POLR3E: variants seen among roughly 807,000 people sequenced by gnomAD.
The protein encoded by POLR3E is DNA-directed RNA polymerase III subunit RPC5.
A neutral mutation model predicts 96.6 loss-of-function variants in POLR3E; 41 were observed. That is an observed-to-expected ratio of 0.42 (90% CI 0.33 to 0.55). The LOEUF is 0.55. POLR3E is among the 20% of genes least tolerant of loss of function. POLR3E has a pLI of 0.06. For missense variants in POLR3E, 849 were observed against 952.1 expected (o/e 0.89, Z 1.43); for synonymous variants, 396 against 383.6 (o/e 1.03, Z -0.38).
chr16:22,318,385 C>T lies in POLR3E; in HGVS notation c.866-441C>T, dbSNP rs559441477. ...CTGTGATTACAGGTGTGAGCCAAAG[C>T]GCCCAGCCAAATTTTGGACTTTCCC... is the stretch of plus-strand genomic sequence containing the variant. On this transcript the variant is annotated intron_variant, in intron 12 of 20. Coordinates refer to ENST00000299853, the MANE Select transcript of POLR3E (RefSeq NM_018119.4). The surrounding 1 kb of genome is among the most constrained non-coding windows in gnomAD (Gnocchi z 5.0). 3.3e-5 allele frequency among the ~76,000 whole-genome samples: 5 copies of T among 152,300 alleles called. No individual in the cohort carries two copies. Among genetic ancestry groups the T allele is most frequent in the Non-Finnish European group, 5.9e-5 (4 of 68,022 alleles).
At position 22,318,052 on chromosome 16, in the gene POLR3E, C is replaced by T. The variant is rs1419268073; in HGVS notation, c.866-774C>T. On this transcript the variant is annotated intron_variant, in intron 12 of 20. Transcript: ENST00000299853. This position sits in a 1 kb window ranked among gnomAD's most constrained non-coding sequence, Gnocchi z 5.0. ...GGAGTCTAAGGAGAGAGGGGAGCTC[C>T]ATGATATGCTCGGGATTTTAGGCTT... 6.6e-6 allele frequency among the ~76,000 whole-genome samples: 1 copy of T among 151,792 alleles called. No homozygotes were observed. Among genetic ancestry groups the T allele is most frequent in the Non-Finnish European group, 1.5e-5 (1 of 67,988 alleles).
At chr16:22,316,782 G>A (rs1401849814) in intron 10 of POLR3E, 96 bp downstream of exon 10, 2 of 1,076,262 alleles carry the variant, frequency 1.9e-6, no homozygotes, top group Non-Finnish European at 1.4e-6. Flanking sequence ...GGCCCCTCCT[G>A]TAGCATGAGG....
chr16:22,313,850 T>G lies in POLR3E; in HGVS notation c.472+123T>G. The G allele has an allele frequency of 1.4e-6, 1 of 725,140 alleles. No homozygotes were observed. Among genetic ancestry groups the G allele is most frequent in the Non-Finnish European group, 2.4e-6 (1 of 424,692 alleles). The allele number at this position is 725,140 out of a possible 1,614,324, so 44.9% of individuals were successfully genotyped here. Reference sequence around the variant, plus strand: ...GGATCCCTGGCCTCTACCTACTAGATGCCAGAAGCACCCACCCCACAGTCG... The same window carrying G: ...GGATCCCTGGCCTCTACCTACTAGAGGCCAGAAGCACCCACCCCACAGTCG... On this transcript the variant is annotated intron_variant, in intron 7 of 20. Coordinates refer to ENST00000299853, the MANE Select transcript of POLR3E (RefSeq NM_018119.4). This position sits in a 1 kb window ranked among gnomAD's most constrained non-coding sequence, Gnocchi z 4.1.
At chr16:22,305,490 C>T (rs746575159) in intron 3 of POLR3E, 28 of 642,192 alleles carry the variant, frequency 4.4e-5, no homozygotes, top group South Asian at 2.1e-4. Context: ...GCTGCGAGAC[C>T]GTGGGCAAGT....
chr16:22,306,188 A>T (rs964030442), intron 3 of POLR3E, among the ~76,000 whole-genome samples: 1 of 152,022 alleles, frequency 6.6e-6, no homozygotes, highest in African/African-American at 2.4e-5. Context: ...GGCTGCTCTC[A>T]CTTTGCATGA....
At chr16:22,326,839 C>T (rs1394928334) in intron 18 of POLR3E, 1 of 166,502 alleles carries the variant, frequency 6.0e-6, no homozygotes, top group Non-Finnish European at 1.3e-5. Context: ...CAGCTTGGGC[C>T]TGGGTCCTGG....
At chr16:22,315,762 C>T (rs748805690) in intron 9 of POLR3E, among the ~76,000 whole-genome samples, 18 of 152,188 alleles carry the variant, frequency 1.2e-4, no homozygotes, top group Non-Finnish European at 2.5e-4. Context: ...ACCTCCGCCT[C>T]CCGGGTTCAA....
At chr16:22,309,085 C>A in intron 5 of POLR3E, 45 bp downstream of exon 5, 3 of 1,351,910 alleles carry the variant, frequency 2.2e-6, no homozygotes, top group African/African-American at 1.4e-5. Flanking sequence ...TGCGTTCACA[C>A]AGGAGCCTCC....
At chr16:22,329,348 G>C (rs1285823539) in intron 19 of POLR3E, among the ~76,000 whole-genome samples, 1 of 152,190 alleles carries the variant, frequency 6.6e-6, no homozygotes, top group Non-Finnish European at 1.5e-5. Context: ...GGTCACAGGT[G>C]TCCAGTGCCC....
At chr16:22,302,749 A>T in intron 1 of POLR3E, 182 bp from the exon 2 acceptor site, 2 of 592,758 alleles carry the variant, frequency 3.4e-6, no homozygotes. Flanking sequence ...TTTTTTCTTT[A>T]TTTCTTCTGG....
In POLR3E at chr16:22,317,156, A is replaced by C. The variant is rs1426803084; in HGVS notation, c.815A>C (p.Gln272Pro). The change falls in exon 12 of 21, where the codon CAG becomes CCG. Residue 272 changes from glutamine (Q) to proline (P), a missense_variant. By Grantham distance (76) the Gln-to-Pro change is moderately conservative. Transcript: ENST00000299853. ...CCCAGCAACGTCCTGTCGATGGCCCAGCTGCGCACGCTGCCCCTGGCCGAT... is the reference window on the plus strand; with the variant it reads ...CCCAGCAACGTCCTGTCGATGGCCCCGCTGCGCACGCTGCCCCTGGCCGAT... ...VAPSNVLSMAQLRTLPLADQI... is the reference protein window; with the variant it reads ...VAPSNVLSMAPLRTLPLADQI... 1 of 1,614,064 alleles carries C rather than the reference A, an allele frequency of 6.2e-7. No individual in the cohort carries two copies. Among genetic ancestry groups the C allele is most frequent in the East Asian group, 2.2e-5 (1 of 44,880 alleles).
intron 2 of POLR3E, 51 bp downstream of exon 2, chr16:22,303,055 G>C (rs372092330): frequency 1.7e-5 from 26 of 1,550,552 alleles, no homozygotes; most frequent in Non-Finnish European, 2.3e-5. Flanking sequence ...CAGTGGAATT[G>C]GGTCCTTTCC....
intron 2 of POLR3E, among the ~76,000 whole-genome samples, chr16:22,303,834 C>T (rs1178575608): frequency 2.6e-5 from 3 of 115,958 alleles, no homozygotes; most frequent in Admixed American, 9.5e-5. Context: ...TTTTTTGAGG[C>T]GGAGTCTCAC....
At chr16:22,329,004 T>TG (rs1471028986) in intron 19 of POLR3E, 1 of 205,478 alleles carries the variant, frequency 4.9e-6, no homozygotes, top group African/African-American at 2.3e-5. Flanking sequence ...CAGAATTGCT[T>TG]GAACCTGGGA....
intron 18 of POLR3E, chr16:22,328,006 C>G (rs1054126441): frequency 6.4e-6 from 1 of 156,972 alleles, no homozygotes; most frequent in African/African-American, 2.4e-5. Flanking sequence ...ACCAAGTGGC[C>G]TGGATTGCTT....
intron 1 of POLR3E, 131 bp downstream of exon 1, chr16:22,297,668 C>G (rs1271226910): frequency 1.3e-5 from 2 of 152,568 alleles, no homozygotes; most frequent in Non-Finnish European, 2.9e-5. Context: ...GGAGGCCTCT[C>G]GGGACTCGGG....
Position 22,334,496 on chromosome 16 carries a change from C to T in POLR3E, c.*796C>T, listed in dbSNP as rs1191403493. On this transcript the variant is annotated 3_prime_UTR_variant, in exon 21 of 21. Transcript: ENST00000299853. ...AGGAAGGCGATCTTGTTGGGCTCAG[C>T]GTTACGTGTATCTAGAGGGAACGGA... 1 of 152,124 alleles carries T rather than the reference C, an allele frequency of 6.6e-6. No individual in the cohort carries two copies. Among genetic ancestry groups the T allele is most frequent in the Non-Finnish European group, 1.5e-5 (1 of 68,046 alleles). The allele number at this position is 152,124 out of a possible 1,614,324, so 9.4% of individuals were successfully genotyped here. A position where few individuals can be genotyped will look rare whatever the true frequency, so the allele number is the denominator to read the frequency against.
Position 22,315,093 on chromosome 16 carries a change from G to A in POLR3E, c.527G>A (p.Arg176Gln). 1.9e-6 allele frequency: 3 copies of A among 1,613,186 alleles called. No individual in the cohort carries two copies. Among genetic ancestry groups the A allele is most frequent in the Non-Finnish European group, 2.5e-6 (3 of 1,179,872 alleles). ...AEDDVKQITV[R>Q]FSRPESEQAR... is the part of the protein sequence containing the mutation. The stretch of plus-strand genomic sequence containing the variant: ...CTCTTCCCCTTCCCACCGCAGGTGC[G>A]GTTCTCCCGGCCGGAGTCAGAGCAG... The change falls in exon 9 of 21, where the codon CGG (arginine) becomes CAG (glutamine). Residue 176 changes from arginine (R) to glutamine (Q), a missense_variant. Physicochemically the swap from Arg to Gln is conservative, Grantham distance 43. Transcript: ENST00000299853.
At chr16:22,307,261 C>T (rs1224056762) in intron 3 of POLR3E, among the ~76,000 whole-genome samples, 1 of 152,200 alleles carries the variant, frequency 6.6e-6, no homozygotes, top group African/African-American at 2.4e-5. Flanking sequence ...TTCCCACCCC[C>T]AGTCAGGTGA....
Sources: gnomAD v4.1 joint callset for allele counts (sites outside exome capture counted in the v4.1 genomes callset) on GRCh38, gnomAD v4.1.1 for gene constraint, Gnocchi (gnomAD v3.1) non-coding constraint, MANE v1.5 for transcripts, NCBI Gene and HGNC (gene_info 2026-07-23, HGNC 2026-07-21) for gene names.